The following ERN1 variants were observed in gnomAD, a reference collection of about 807,000 sequenced individuals.
ERN1 encodes endoplasmic reticulum to nucleus signaling 1.
ERN1 carries 39 observed loss-of-function variants against 113.1 expected under a neutral mutation model. The ratio of observed to expected loss-of-function variants is 0.34; its 90% CI spans 0.27 to 0.45. ERN1 has a LOEUF of 0.45. Ranked by LOEUF, ERN1 falls within the 20% of genes least tolerant of loss-of-function variation. ERN1 has a pLI of 1.00. For missense variants in ERN1, 976 were observed against 1,274.8 expected (o/e 0.77, Z 3.57); for synonymous variants, 507 against 515.9 (o/e 0.98, Z 0.23).
intron 1 of ERN1, among the ~76,000 whole-genome samples, chr17:64,102,049 G>C (rs911549952): frequency 1.3e-5 from 2 of 152,126 alleles, no homozygotes; most frequent in East Asian, 3.8e-4. Flanking sequence ...GGAGGCCGAG[G>C]TGGGTGGATC....
At chr17:64,080,181 G>A (rs1339209481) in intron 3 of ERN1, among the ~76,000 whole-genome samples, 2 of 152,102 alleles carry the variant, frequency 1.3e-5, no homozygotes, top group African/African-American at 2.4e-5. Context: ...GATATTTTTT[G>A]TTTAACTGGA....
intron 2 of ERN1, among the ~76,000 whole-genome samples, chr17:64,085,997 C>T (rs1395443866): frequency 3.3e-5 from 5 of 152,214 alleles, no homozygotes; most frequent in South Asian, 2.1e-4. Flanking sequence ...CCCAGCTCCA[C>T]CCTTCCCTTC....
At position 64,130,121 on chromosome 17, in the gene ERN1, C is replaced by A. The variant is rs529891224; in HGVS notation, c.-92G>T. ...CAGCGAGGCGGTGACCGAGCCTCAG[C>A]GGACGCAGAACTGACTAGGCAGCGG... is the stretch of plus-strand genomic sequence containing the variant. On this transcript the variant is annotated 5_prime_UTR_variant, in exon 1 of 22. Coordinates refer to ENST00000433197, the MANE Select transcript of ERN1 (RefSeq NM_001433.5). The surrounding 1 kb of genome is among the most constrained non-coding windows in gnomAD (Gnocchi z 4.0). The A allele has an allele frequency of 2.0e-5, 24 of 1,182,190 alleles. No homozygotes were observed. The African/African-American group carries it at 3.5e-4, about 17-fold the overall frequency. 73.2% of individuals were successfully genotyped at this position (1,182,190 alleles called of 1,614,324 possible).
At position 64,044,299 on chromosome 17, in the gene ERN1, G is replaced by GT. The variant is rs1912440713; in HGVS notation, c.2722-100dup. ...TCATCATGCAAGGAAGAGACAGAATGTGAGTGTTGGTTTTTGGTAAAGAAA... is the reference window on the plus strand; with the variant it reads ...TCATCATGCAAGGAAGAGACAGAATGTTGAGTGTTGGTTTTTGGTAAAGAAA... On this transcript the variant is annotated intron_variant, in intron 21 of 21. Coordinates refer to ENST00000433197, the MANE Select transcript of ERN1 (RefSeq NM_001433.5). The surrounding 1 kb of genome is among the most constrained non-coding windows in gnomAD (Gnocchi z 4.1). 2.4e-6 allele frequency: 2 copies of GT among 823,660 alleles called. No homozygotes were observed. The highest frequency in any genetic ancestry group is 3.6e-6 in the Non-Finnish European group (2 of 555,478). The allele number at this position is 823,660 out of a possible 1,614,324, so 51.0% of individuals were successfully genotyped here.
intron 2 of ERN1, among the ~76,000 whole-genome samples, chr17:64,095,633 T>A (rs1238696043): frequency 6.6e-6 from 1 of 151,906 alleles, no homozygotes; most frequent in African/African-American, 2.4e-5. Context: ...GCTGCTAGAG[T>A]CATCGAAAAG....
At chr17:64,053,142 A>G (rs1912741330) in intron 16 of ERN1, 130 bp downstream of exon 16, 2 of 906,746 alleles carry the variant, frequency 2.2e-6, no homozygotes, top group Non-Finnish European at 1.6e-6. Context: ...TACACCACTC[A>G]TCTTTGCTAC....
rs1567858866 is a variant in ERN1 at position 64,044,101 on chromosome 17, G to A, written c.2821C>T (p.Leu941Phe). ...CYFTSRFPHL[L>F]AHTYRAMELC... The stretch of plus-strand genomic sequence containing the variant: ...TCCATGGCCCGGTAGGTGTGTGCGA[G>A]GAGGTGGGGGAAGCGAGATGTGAAG... Residue 941 changes from leucine (L) to phenylalanine (F), a missense_variant, in exon 22 of 22, where the codon CTC becomes TTC. By Grantham distance (22) the Leu-to-Phe change is conservative (BLOSUM62 0). Coordinates refer to ENST00000433197, the MANE Select transcript of ERN1 (RefSeq NM_001433.5). The surrounding 1 kb of genome is among the most constrained non-coding windows in gnomAD (Gnocchi z 4.1). 2 of 1,613,036 alleles carry A rather than the reference G, an allele frequency of 1.2e-6. No individual in the cohort carries two copies. Among genetic ancestry groups the A allele is most frequent in the African/African-American group, 1.3e-5 (1 of 75,012 alleles).
intron 1 of ERN1, among the ~76,000 whole-genome samples, chr17:64,103,685 G>C (rs1171753828): frequency 6.6e-6 from 1 of 152,098 alleles, no homozygotes; most frequent in African/African-American, 2.4e-5. Context: ...CTAATTGTTA[G>C]GGCTCTTCCA....
At chr17:64,058,135 T>C in intron 11 of ERN1, 142 bp from the exon 12 acceptor site, 1 of 669,116 alleles carries the variant, frequency 1.5e-6, no homozygotes, top group Non-Finnish European at 2.4e-6. Context: ...TCACCAAAGA[T>C]CATGTAGCCA....
At position 64,095,801 on chromosome 17, in the gene ERN1, C is replaced by T. The variant is rs116907563; in HGVS notation, c.175+2320G>A. ...CTGGAAACGCTAAGCTCCTGCTAAA[C>T]GGGATAAGCTCCTGCACCCTAGACC... On this transcript the variant is annotated intron_variant, in intron 2 of 21. Coordinates refer to ENST00000433197, the MANE Select transcript of ERN1 (RefSeq NM_001433.5). Among the ~76,000 whole-genome samples the T allele has an allele frequency of 1.4e-4, 22 of 152,318 alleles. No individual in the cohort carries two copies. The East Asian group carries it at 3.7e-3, about 25-fold the overall frequency.
At chr17:64,108,339 G>C (rs1914585472) in intron 1 of ERN1, among the ~76,000 whole-genome samples, 1 of 152,138 alleles carries the variant, frequency 6.6e-6, no homozygotes, top group Non-Finnish European at 1.5e-5. Flanking sequence ...TCAACCATTT[G>C]CAGTTCTGTT....
In ERN1 at chr17:64,106,551, T is replaced by C. The variant is rs531703090; in HGVS notation, c.55-8310A>G. Among the ~76,000 whole-genome samples, 26 of 152,248 alleles carry C rather than the reference T, an allele frequency of 1.7e-4. No individual in the cohort carries two copies. In the East Asian group the frequency reaches 4.1e-3, roughly 24 times the overall value. ...GATGTGGTGAGGGGTGCTGTCTAGA[T>C]GGATAAGAAAGTAGGGGTTAATAAT... On this transcript the variant is annotated intron_variant, in intron 1 of 21. Transcript: ENST00000433197.
intron 1 of ERN1, among the ~76,000 whole-genome samples, chr17:64,105,411 T>A (rs1389796707): frequency 6.6e-6 from 1 of 151,794 alleles, no homozygotes; most frequent in African/African-American, 2.4e-5. Flanking sequence ...ATAATAATAA[T>A]AAAAAAAAGA....
intron 1 of ERN1, among the ~76,000 whole-genome samples, chr17:64,127,151 G>A (rs1325514433): frequency 6.6e-6 from 1 of 152,108 alleles, no homozygotes; most frequent in Non-Finnish European, 1.5e-5. Flanking sequence ...ATGTTATTGC[G>A]TTTTGGATCT....
Position 64,057,308 on chromosome 17 carries a change from G to A in ERN1, c.1398+494C>T, listed in dbSNP as rs1028791891. 2.6e-5 allele frequency among the ~76,000 whole-genome samples: 4 copies of A among 152,162 alleles called. No individual in the cohort carries two copies. The East Asian group carries it at 7.7e-4, about 29-fold the overall frequency. ...GGAACAAAATTGTCCTTTTCTGGGAGGCTAGTGTCTCTTTAATTATGTTTT... is the reference window on the plus strand; with the variant it reads ...GGAACAAAATTGTCCTTTTCTGGGAAGCTAGTGTCTCTTTAATTATGTTTT... On this transcript the variant is annotated intron_variant, in intron 12 of 21. Transcript: ENST00000433197.
intron 1 of ERN1, among the ~76,000 whole-genome samples, chr17:64,119,376 G>GTTGTTGTTTTTTT (rs777806993): frequency 1.3e-5 from 1 of 77,896 alleles, no homozygotes; most frequent in African/African-American, 5.6e-5. Context: ...TTTTTTCTAG[G>GTTGTTGTTTTTTT]TTTTTTTTTT....
At position 64,076,910 on chromosome 17, in the gene ERN1, C is replaced by G. The variant is rs1014735085; in HGVS notation, c.283-1663G>C. ...TGGGCATCCTCTTTAAGAACCAACT[C>G]CAACACTAGAAGACTCAGCCCTGGA... On this transcript the variant is annotated intron_variant, in intron 4 of 21. Coordinates refer to ENST00000433197, the MANE Select transcript of ERN1 (RefSeq NM_001433.5). Among the ~76,000 whole-genome samples the G allele has an allele frequency of 6.6e-5, 10 of 152,296 alleles. No homozygotes were observed. The East Asian group carries it at 1.2e-3, about 18-fold the overall frequency.
At chr17:64,059,575 G>A (rs1364338827) in intron 11 of ERN1, among the ~76,000 whole-genome samples, 2 of 152,190 alleles carry the variant, frequency 1.3e-5, no homozygotes, top group African/African-American at 2.4e-5. Flanking sequence ...CCAAAGCAAT[G>A]GCTTCCCCAA....
In ERN1 at chr17:64,049,959, A is replaced by G. The variant is rs1912630955; in HGVS notation, c.2254-757T>C. ...CCAGGTGAAGTGAGGGTCTAGTGTG[A>G]GGAAGCAGGGGCTCATCACCTCCCA... On this transcript the variant is annotated intron_variant, in intron 17 of 21. Coordinates refer to ENST00000433197, the MANE Select transcript of ERN1 (RefSeq NM_001433.5). The surrounding 1 kb of genome is among the most constrained non-coding windows in gnomAD (Gnocchi z 4.7). Among the ~76,000 whole-genome samples, 1 of 152,162 alleles carries G rather than the reference A, an allele frequency of 6.6e-6. No individual in the cohort carries two copies. The highest frequency in any genetic ancestry group is 2.4e-5 in the African/African-American group (1 of 41,424).
Sources: allele counts gnomAD v4.1 joint callset (sites outside exome capture counted in the v4.1 genomes callset), GRCh38; gene constraint gnomAD v4.1.1; non-coding constraint Gnocchi (gnomAD v3.1); transcripts MANE v1.5; gene names NCBI Gene and HGNC (gene_info 2026-07-23, HGNC 2026-07-21).